Variants in NPHS1 observed in about 807,000 individuals in gnomAD.
The protein encoded by NPHS1 is NPHS1 adhesion molecule, nephrin, also known as nephrin.
Under a neutral mutation model 139.7 loss-of-function variants are expected in NPHS1, and 107 were observed. The observed-to-expected ratio is 0.77, with a 90% confidence interval of 0.66 to 0.90. NPHS1 has a LOEUF of 0.90. Among genes scored for constraint, NPHS1 ranks in the 40% least tolerant of loss-of-function variants. NPHS1 has a pLI of 0.00. For missense variants in NPHS1, 1,580 were observed against 1,654.2 expected (o/e 0.96, Z 0.78); for synonymous variants, 707 against 706.6 (o/e 1.00, Z -0.01).
At position 35,852,097 on chromosome 19, in the gene NPHS1, CT is replaced by C. The variant is rs10566018; in HGVS notation, c.-261del. Among the ~76,000 whole-genome samples the C allele has an allele frequency of 0.038, 4,599 of 121,500 alleles. 180 individuals carry two copies. Among genetic ancestry groups the C allele is most frequent in the African/African-American group, 0.12 (3,926 of 33,446 alleles). The allele number at this position is 121,500 out of a possible 152,430, so 79.7% of individuals were successfully genotyped here. On this transcript the variant is annotated 5_prime_UTR_variant, in exon 1 of 29. Coordinates refer to ENST00000378910, the MANE Select transcript of NPHS1 (RefSeq NM_004646.4). ...TTTTTTTCTTTTTTCTTTTTTTTTT[CT>C]TTTTTTTTTTTTTAGAGACGGGGTC...
At chr19:35,834,907 A>AAT (rs894012085) in intron 23 of NPHS1, among the ~76,000 whole-genome samples, 68 of 151,370 alleles carry the variant, frequency 4.5e-4, no homozygotes, top group African/African-American at 1.6e-3. Context: ...AAAAAATAAA[A>AAT]AAAAAAAATG....
intron 23 of NPHS1, 79 bp downstream of exon 23, chr19:35,835,626 A>G (rs912535439): frequency 4.7e-6 from 6 of 1,278,142 alleles, no homozygotes; most frequent in Non-Finnish European, 6.9e-6. Flanking sequence ...CTGTGACTAC[A>G]AGCAGAGGAG....
intron 11 of NPHS1, 55 bp downstream of exon 11, chr19:35,847,986 C>A (rs1324763816): frequency 9.4e-6 from 15 of 1,588,216 alleles, no homozygotes; most frequent in African/African-American, 1.3e-5. Flanking sequence ...AGAGAAGGGG[C>A]CTGGTCCTTC....
At position 35,851,073 on chromosome 19, in the gene NPHS1, G is replaced by A. The variant is rs1973239638; in HGVS notation, c.414C>T (p.Leu138=). ...ILSILVPPKL[L]LLTPEAGTMV... Reference sequence around the variant, plus strand: ...TGGTGCCTGCCTCTGGGGTCAGCAGGAGCAGCTTGGGAGGAACTGGTGAGA... The same window carrying A: ...TGGTGCCTGCCTCTGGGGTCAGCAGAAGCAGCTTGGGAGGAACTGGTGAGA... The change falls in exon 4 of 29, where the codon CTC becomes CTT. Residue 138 remains leucine, a synonymous_variant. Transcript: ENST00000378910. The A allele has an allele frequency of 6.2e-7, 1 of 1,614,188 alleles. No homozygotes were observed.
In NPHS1 at chr19:35,831,638, C is replaced by T. The variant is rs1555759089; in HGVS notation, c.3286+5G>A. On this transcript the variant is annotated splice_donor_5th_base_variant and intron_variant, in intron 24 of 28. Transcript: ENST00000378910. Reference sequence around the variant, plus strand: ...CCACCCTGGCAGGGAAGGGTCTCTCCTCACCCTCAGCAAGACGCCTGAGTC... The same window carrying T: ...CCACCCTGGCAGGGAAGGGTCTCTCTTCACCCTCAGCAAGACGCCTGAGTC... 6.2e-7 allele frequency: 1 copy of T among 1,613,422 alleles called. No individual in the cohort carries two copies. The highest frequency in any genetic ancestry group is 2.2e-5 in the East Asian group (1 of 44,850).
rs1973200830 is a variant in NPHS1 at position 35,849,630 on chromosome 19, T to C, written c.632A>G (p.Asn211Ser). The change falls in exon 6 of 29, where the codon AAT (asparagine) becomes AGT (serine). Residue 211 changes from asparagine to serine, a missense_variant. By Grantham distance (46) the Asn-to-Ser change is conservative (BLOSUM62 1). Transcript: ENST00000378910. ...CGCCTCACAGACCAGCAACTGCCTATTATCTGAGCTCCGGGGTGTCACCCT... is the reference window on the plus strand; with the variant it reads ...CGCCTCACAGACCAGCAACTGCCTACTATCTGAGCTCCGGGGTGTCACCCT... ...TARVTPRSSD[N>S]RQLLVCEASS... 1 of 1,614,014 alleles carries C rather than the reference T, an allele frequency of 6.2e-7. No individual in the cohort carries two copies. The highest frequency in any genetic ancestry group is 1.1e-5 in the South Asian group (1 of 91,076).
In NPHS1 at chr19:35,842,522, T is replaced by C. The variant is rs1302721580; in HGVS notation, c.2363A>G (p.Asp788Gly). The C allele has an allele frequency of 6.2e-7, 1 of 1,614,100 alleles. No homozygotes were observed. Residue 788 changes from aspartate to glycine, a missense_variant, in exon 18 of 29, where the codon GAT (aspartate) becomes GGT (glycine). Asp to Gly is a moderately conservative substitution (Grantham distance 94). Coordinates refer to ENST00000378910, the MANE Select transcript of NPHS1 (RefSeq NM_004646.4). The part of the protein sequence containing the change: ...LGEDEEDQSL[D>G]DMEKISRGPT... ...TCCCCTGGATATCTTCTCCATGTCATCCAGGCTCTGGTCCTCCTCATCTTC... is the reference window on the plus strand; with the variant it reads ...TCCCCTGGATATCTTCTCCATGTCACCCAGGCTCTGGTCCTCCTCATCTTC...
chr19:35,845,766 C>A lies in NPHS1; in HGVS notation c.1660G>T (p.Ala554Ser). 1 of 1,614,008 alleles carries A rather than the reference C, an allele frequency of 6.2e-7. No homozygotes were observed. Among genetic ancestry groups the A allele is most frequent in the Non-Finnish European group, 8.5e-7 (1 of 1,179,924 alleles). ...GCGTCTCCCGGGCGCAGTGCGGATG[C>A]GTTGGCCAGGATCGTCACGTTAGTT... ...PPTNVTILAN[A>S]SALRPGDALN... Residue 554 changes from alanine (A) to serine (S), a missense_variant, in exon 13 of 29, where the codon GCA (alanine) becomes TCA (serine). Coordinates refer to ENST00000378910, the MANE Select transcript of NPHS1 (RefSeq NM_004646.4). This position sits in a 1 kb window ranked among gnomAD's most constrained non-coding sequence, Gnocchi z 5.5.
At chr19:35,841,931 T>G in intron 19 of NPHS1, 65 bp from the exon 20 acceptor site, 1 of 1,500,102 alleles carries the variant, frequency 6.7e-7, no homozygotes, top group Non-Finnish European at 9.1e-7. Flanking sequence ...TGGAATCATC[T>G]ATGCATCCAT....
At chr19:35,850,852 G>T in intron 4 of NPHS1, 109 bp downstream of exon 4, 1 of 1,405,356 alleles carries the variant, frequency 7.1e-7, no homozygotes. Context: ...CCCATCCCAG[G>T]GATGACATCT....
intron 28 of NPHS1, among the ~76,000 whole-genome samples, chr19:35,829,686 G>A (rs1167223783): frequency 6.6e-6 from 1 of 151,982 alleles, no homozygotes; most frequent in Admixed American, 6.6e-5. Flanking sequence ...TTACAAGTGT[G>A]TGCCACCACA....
chr19:35,842,591 C>T, intron 17 of NPHS1, 41 bp from the exon 18 acceptor site: 1 of 1,604,364 alleles, frequency 6.2e-7, no homozygotes, highest in Non-Finnish European at 8.5e-7. Flanking sequence ...CCAGTCTAGC[C>T]CCAGATCCAT....
At chr19:35,829,950 C>T (rs1972853668) in intron 28 of NPHS1, among the ~76,000 whole-genome samples, 1 of 152,008 alleles carries the variant, frequency 6.6e-6, no homozygotes, top group African/African-American at 2.4e-5. Flanking sequence ...AGATATGAGC[C>T]GTGACCATGC....
intron 28 of NPHS1, among the ~76,000 whole-genome samples, chr19:35,829,512 A>G (rs1479694550): frequency 2.0e-5 from 3 of 150,778 alleles, no homozygotes; most frequent in Non-Finnish European, 4.4e-5. Context: ...GACCACAGGC[A>G]TGCACCACCA....
In NPHS1 at chr19:35,844,231, CG is replaced by C. The variant is rs758924701; in HGVS notation, c.2083del (p.Arg695GlyfsTer15). The C allele has an allele frequency of 2.5e-6, 4 of 1,613,194 alleles. No individual in the cohort carries two copies. In the African/African-American group the frequency reaches 4.0e-5, roughly 16 times the overall value. On this transcript the variant is annotated frameshift_variant, in exon 16 of 29. Coordinates refer to ENST00000378910, the MANE Select transcript of NPHS1 (RefSeq NM_004646.4). LOFTEE classifies it high-confidence loss of function. ...AGCCCCGCTGGACAGGATGCGATGC[CG>C]GGGGCCGCCCGCTGGGGAAGGCCAG... is the stretch of plus-strand genomic sequence containing the variant. ...GYRLSPAGGP[R>X]HRILSSGALH...
chr19:35,848,776 A>G lies in NPHS1; in HGVS notation c.1031T>C (p.Ile344Thr). Residue 344 changes from isoleucine to threonine, a missense_variant, in exon 9 of 29, where the codon ATT becomes ACT. Ile to Thr is a moderately conservative substitution (Grantham distance 89). Transcript: ENST00000378910. ...AGTCTGGGATGCAGATCCCAAGATA[A>G]TAATGGCACTAGGGGGAACTGCAGG... ...LQVTFPPSAIIILGSASQTEN... is the reference protein window; with the variant it reads ...LQVTFPPSAITILGSASQTEN... 1 of 1,614,210 alleles carries G rather than the reference A, an allele frequency of 6.2e-7. No individual in the cohort carries two copies.
chr19:35,841,894 C>A, intron 19 of NPHS1, 28 bp from the exon 20 acceptor site: 1 of 1,587,238 alleles, frequency 6.3e-7, no homozygotes, highest in East Asian at 2.3e-5. Flanking sequence ...CACCACTCAC[C>A]CTTCCATTCA....
intron 22 of NPHS1, among the ~76,000 whole-genome samples, chr19:35,837,632 T>G (rs1291456845): frequency 6.6e-6 from 1 of 151,908 alleles, no homozygotes; most frequent in Non-Finnish European, 1.5e-5. Context: ...GATGGAGTTT[T>G]GCTCTTGTTG....
intron 20 of NPHS1, among the ~76,000 whole-genome samples, chr19:35,841,245 C>T (rs977373413): frequency 2.2e-4 from 33 of 151,912 alleles, no homozygotes; most frequent in Admixed American, 1.7e-3. Context: ...TGGTGGCGGG[C>T]GCCTGTAATC....
Sources: gnomAD v4.1 joint callset for allele counts (sites outside exome capture counted in the v4.1 genomes callset) on GRCh38, gnomAD v4.1.1 for gene constraint, Gnocchi (gnomAD v3.1) non-coding constraint, MANE v1.5 for transcripts, NCBI Gene and HGNC (gene_info 2026-07-23, HGNC 2026-07-21) for gene names.